Variants in SLC12A2 observed in about 807,000 individuals in gnomAD.
SLC12A2 encodes solute carrier family 12 member 2, also known as Na-K-2Cl cotransporter 1.
In SLC12A2, 67 loss-of-function variants were observed where a neutral mutation model predicts 136.3. The observed-to-expected ratio is 0.49, with a 90% confidence interval of 0.40 to 0.60. The LOEUF is 0.60. Ranked by LOEUF, SLC12A2 falls within the 20% of genes least tolerant of loss-of-function variation. SLC12A2 has a pLI of 0.00. For missense variants in SLC12A2, 1,322 were observed against 1,534.7 expected (o/e 0.86, Z 2.32); for synonymous variants, 619 against 562.9 (o/e 1.10, Z -1.41).
At chr5:128,156,410 A>C (rs1448641212) in intron 15 of SLC12A2, among the ~76,000 whole-genome samples, 2 of 152,188 alleles carry the variant, frequency 1.3e-5, no homozygotes, top group African/African-American at 4.8e-5. Flanking sequence ...AGGAGATTAC[A>C]TCAAGGTAGA....
chr5:128,116,331 T>C (rs1263361401), intron 4 of SLC12A2, among the ~76,000 whole-genome samples: 1 of 151,760 alleles, frequency 6.6e-6, no homozygotes, highest in Non-Finnish European at 1.5e-5. Flanking sequence ...AAAAAGCCAT[T>C]TCATTTTTCA....
intron 11 of SLC12A2, 141 bp from the exon 12 acceptor site, chr5:128,148,613 T>G: frequency 1.8e-6 from 1 of 557,948 alleles, no homozygotes; most frequent in Non-Finnish European, 3.0e-6. Context: ...ATTTTGTAGG[T>G]GAAGCAGTAT....
In SLC12A2 at chr5:128,148,764, A is replaced by G; in HGVS notation, c.1892A>G (p.Lys631Arg). Residue 631 changes from lysine to arginine, a missense_variant, in exon 12 of 27, where the codon AAG becomes AGG. Lys to Arg is a conservative substitution (Grantham distance 26, BLOSUM62 2). Around this residue, in one of 8 missense-constraint regions of SLC12A2, gnomAD observed 294 missense variants for 436.6 expected, o/e 0.67. Transcript: ENST00000262461. ...SAPKIFQALC[K>R]DNIYPAFQMF... ...GTTTTCTTTCATTAGGCTCTATGTA[A>G]GGACAACATCTACCCAGCTTTCCAG... The G allele has an allele frequency of 6.3e-7, 1 of 1,593,352 alleles. No homozygotes were observed.
intron 6 of SLC12A2, 31 bp downstream of exon 6, chr5:128,134,306 T>A (rs1354550850): frequency 3.7e-6 from 4 of 1,090,826 alleles, no homozygotes; most frequent in Non-Finnish European, 5.7e-6. Context: ...CTGTAAATAT[T>A]TAATACGTAA....
chr5:128,146,532 G>A (rs1464429665), intron 10 of SLC12A2, among the ~76,000 whole-genome samples: 3 of 127,292 alleles, frequency 2.4e-5, no homozygotes, highest in Non-Finnish European at 4.7e-5. Context: ...ATCCTATGTT[G>A]TTGGTGTTTT....
intron 18 of SLC12A2, chr5:128,170,575 ATACTTAT>A (rs1366958668): frequency 1.3e-5 from 2 of 152,188 alleles, no homozygotes; most frequent in African/African-American, 4.8e-5. Context: ...TCTACATTGA[ATACTTAT>A]TACTTGTGCA....
rs1763487747 is a variant in SLC12A2, at chr5:128,174,686, TAA to T, written c.2929+21_2929+22del. 9.8e-6 allele frequency: 15 copies of T among 1,526,618 alleles called. No homozygotes were observed. The highest frequency in any genetic ancestry group is 2.0e-5 in the Admixed American group (1 of 48,834). The allele number at this position is 1,526,618 out of a possible 1,614,324, so 94.6% of individuals were successfully genotyped here. ...ACAAAGGTAATTTTCATTCAAACAA[TAA>T]GTCTTATTAATAGTAATGTTTTAAT... On this transcript the variant is annotated intron_variant, in intron 20 of 26. Transcript: ENST00000262461.
intron 24 of SLC12A2, 79 bp downstream of exon 24, chr5:128,183,020 A>AT (rs1237405199): frequency 2.3e-5 from 20 of 860,058 alleles, no homozygotes; most frequent in Non-Finnish European, 3.1e-5. Flanking sequence ...AAACCCAGAG[A>AT]TTTTTTTCCT....
chr5:128,177,085 G>T lies in SLC12A2; in HGVS notation c.2930-20G>T. 1 of 1,534,008 alleles carries T rather than the reference G, an allele frequency of 6.5e-7. No homozygotes were observed. Among genetic ancestry groups the T allele is most frequent in the Non-Finnish European group, 8.8e-7 (1 of 1,136,976 alleles). On this transcript the variant is annotated intron_variant, in intron 20 of 26. Transcript: ENST00000262461. Reference sequence around the variant, plus strand: ...ATAAAGGCAATTAACATATTTTTGTGTTTTTTAAACATAATCTAGTTGAGG... The same window carrying T: ...ATAAAGGCAATTAACATATTTTTGTTTTTTTTAAACATAATCTAGTTGAGG...
At position 128,186,462 on chromosome 5, in the gene SLC12A2, T is replaced by G. The variant is rs2126763416; in HGVS notation, c.3504-34T>G. ...TATTCTGTAAATGCATTGCTCAGGG[T>G]TTTTTTTTTTTCTTTTTCTCTTTTT... On this transcript the variant is annotated intron_variant, in intron 26 of 26. Coordinates refer to ENST00000262461, the MANE Select transcript of SLC12A2 (RefSeq NM_001046.3). 3.4e-6 allele frequency: 4 copies of G among 1,189,642 alleles called. No homozygotes were observed. The South Asian group carries it at 4.9e-5, about 15-fold the overall frequency. The allele number at this position is 1,189,642 out of a possible 1,614,324, so 73.7% of individuals were successfully genotyped here. A position where few individuals can be genotyped will look rare whatever the true frequency, so the allele number is the denominator to read the frequency against.
At chr5:128,144,180 A>C (rs574912866) in intron 10 of SLC12A2, among the ~76,000 whole-genome samples, 3 of 152,298 alleles carry the variant, frequency 2.0e-5, no homozygotes, top group Admixed American at 2.0e-4. Flanking sequence ...TGGCCTTAAG[A>C]TAGAAAAGTT....
At chr5:128,158,719 A>T (rs771170390) in intron 16 of SLC12A2, among the ~76,000 whole-genome samples, 33 of 152,170 alleles carry the variant, frequency 2.2e-4, no homozygotes, top group Non-Finnish European at 3.8e-4. Flanking sequence ...ATATATACCC[A>T]ATAATGGGAT....
intron 3 of SLC12A2, 83 bp downstream of exon 3, chr5:128,114,370 T>C (rs764933897): frequency 1.1e-4 from 112 of 1,060,170 alleles, no homozygotes; most frequent in Non-Finnish European, 1.5e-4. Flanking sequence ...ACTCAAGAAA[T>C]TAGAGTCATT....
intron 16 of SLC12A2, among the ~76,000 whole-genome samples, chr5:128,159,639 A>G (rs1446553684): frequency 6.6e-6 from 1 of 152,198 alleles, no homozygotes; most frequent in Non-Finnish European, 1.5e-5. Context: ...TATGAAAAAA[A>G]GCTCATCGTC....
chr5:128,091,890 AT>A (rs1359557988), intron 1 of SLC12A2, among the ~76,000 whole-genome samples: 1 of 152,216 alleles, frequency 6.6e-6, no homozygotes, highest in East Asian at 1.9e-4. Flanking sequence ...CAAATTAGAT[AT>A]TCATCTAGGT....
rs912280698 is a variant in SLC12A2 at position 128,156,902 on chromosome 5, T to C, written c.2364-1151T>C. ...ATACTTATGGGCTATAAGTTAGTCA[T>C]TGGGCCACATTTAGCTCCTAGGAAG... On this transcript the variant is annotated intron_variant, in intron 15 of 26. Coordinates refer to ENST00000262461, the MANE Select transcript of SLC12A2 (RefSeq NM_001046.3). Among the ~76,000 whole-genome samples, 7 of 152,146 alleles carry C rather than the reference T, an allele frequency of 4.6e-5. No homozygotes were observed. In the South Asian group the frequency reaches 8.3e-4, roughly 18 times the overall value.
chr5:128,179,086 C>T (rs1315282657), intron 22 of SLC12A2, among the ~76,000 whole-genome samples: 1 of 152,154 alleles, frequency 6.6e-6, no homozygotes, highest in African/African-American at 2.4e-5. Flanking sequence ...TGATTTGTAC[C>T]TTCACTGGTG....
intron 1 of SLC12A2, among the ~76,000 whole-genome samples, chr5:128,087,754 A>G (rs1037045669): frequency 6.6e-6 from 1 of 152,188 alleles, no homozygotes; most frequent in African/African-American, 2.4e-5. Context: ...AAGAGACTCA[A>G]GTGATTACTG....
In SLC12A2 at chr5:128,156,631, CAA is replaced by C. The variant is rs556538132; in HGVS notation, c.2364-1421_2364-1420del. ...AGACTGAAAAATACAGTGGCTCAAA[CAA>C]GAGAGACATTGGTGTCACATGGTAG... On this transcript the variant is annotated intron_variant, in intron 15 of 26. Transcript: ENST00000262461. Among the ~76,000 whole-genome samples the C allele has an allele frequency of 1.6e-3, 250 of 152,264 alleles. 1 individual carries two copies. The highest frequency in any genetic ancestry group is 5.8e-3 in the African/African-American group (243 of 41,560).
Sources: gnomAD v4.1 joint callset for allele counts (sites outside exome capture counted in the v4.1 genomes callset) on GRCh38, gnomAD v4.1.1 for gene constraint, gnomAD v4.1.1 regional missense constraint, MANE v1.5 for transcripts, NCBI Gene and HGNC (gene_info 2026-07-23, HGNC 2026-07-21) for gene names.